Variants in OTUD7B observed in about 807,000 individuals in gnomAD.
OTUD7B encodes OTU domain-containing protein 7B.
A neutral mutation model predicts 82.2 loss-of-function variants in OTUD7B; 34 were observed. The ratio of observed to expected loss-of-function variants is 0.41; its 90% CI spans 0.31 to 0.55. The LOEUF (loss-of-function observed/expected upper bound fraction) is 0.55, where lower values mean the gene tolerates loss of function less well. OTUD7B is among the 20% of genes least tolerant of loss of function. The probability of loss-of-function intolerance (pLI) is 0.20; values close to 1 mark genes in which losing one functional copy is unlikely to be tolerated. For missense variants in OTUD7B, 944 were observed against 1,062.1 expected (o/e 0.89, Z 1.55); for synonymous variants, 398 against 402.7 (o/e 0.99, Z 0.14).
intron 1 of OTUD7B, among the ~76,000 whole-genome samples, chr1:149,984,700 C>T (rs1651015305): frequency 6.6e-6 from 1 of 152,130 alleles, no homozygotes; most frequent in Non-Finnish European, 1.5e-5. Context: ...AAAACATGAG[C>T]TTATTCTCTC....
the OTUD7B span, among the ~76,000 whole-genome samples, chr1:150,046,530 C>T: frequency 2.8e-4 from 42 of 150,550 alleles, no homozygotes; most frequent in Admixed American, 1.3e-3. Context: ...TCACTGCAAC[C>T]TCCACCTCCC....
At chr1:149,996,847 T>C (rs1651955941) in intron 1 of OTUD7B, among the ~76,000 whole-genome samples, 1 of 152,140 alleles carries the variant, frequency 6.6e-6, no homozygotes, top group Non-Finnish European at 1.5e-5. Context: ...ACGAATAAGA[T>C]AGGATAAGCA....
chr1:149,987,709 A>C (rs1445692060), intron 1 of OTUD7B, among the ~76,000 whole-genome samples: 1 of 152,060 alleles, frequency 6.6e-6, no homozygotes, highest in Non-Finnish European at 1.5e-5. Context: ...TCCCACGACC[A>C]TTTCCAAAAC....
chr1:149,965,225 G>A (rs73010113), intron 5 of OTUD7B, among the ~76,000 whole-genome samples: 2,902 of 152,124 alleles, frequency 0.019, 78 homozygotes, highest in African/African-American at 0.063. Context: ...TTTACAGTGG[G>A]GCATGGTGGC....
intron 2 of OTUD7B, among the ~76,000 whole-genome samples, chr1:149,975,316 G>A (rs1553778338): frequency 1.3e-5 from 2 of 152,146 alleles, no homozygotes; most frequent in African/African-American, 4.8e-5. Flanking sequence ...ATGTGTGTGT[G>A]CACACATGTG....
chr1:150,054,556 C>T, the OTUD7B span: 1 of 437,732 alleles, frequency 2.3e-6, no homozygotes, highest in South Asian at 1.7e-5. Context: ...GTCTGTAATC[C>T]CAGCACTTTG....
chr1:149,986,298 T>C (rs1651136573), intron 1 of OTUD7B, among the ~76,000 whole-genome samples: 1 of 151,866 alleles, frequency 6.6e-6, no homozygotes, highest in Non-Finnish European at 1.5e-5. Context: ...CTATCAGTGT[T>C]GTACACAGAC....
intron 1 of OTUD7B, among the ~76,000 whole-genome samples, chr1:149,995,231 C>A (rs959030753): frequency 6.6e-6 from 1 of 152,196 alleles, no homozygotes; most frequent in East Asian, 1.9e-4. Flanking sequence ...TGCCCAGATA[C>A]TCCTGGATCC....
chr1:150,038,041 T>C, the OTUD7B span, among the ~76,000 whole-genome samples: 1 of 151,990 alleles, frequency 6.6e-6, no homozygotes, highest in Non-Finnish European at 1.5e-5. Context: ...ATTTTTGTTG[T>C]AGTGACAGGG....
chr1:149,951,596 G>A (rs1307892452), intron 7 of OTUD7B, among the ~76,000 whole-genome samples: 1 of 152,074 alleles, frequency 6.6e-6, no homozygotes, highest in Non-Finnish European at 1.5e-5. Flanking sequence ...AATATTCAAT[G>A]GCTTCCACCC....
intron 1 of OTUD7B, among the ~76,000 whole-genome samples, chr1:149,995,262 T>C (rs1651851170): frequency 6.6e-6 from 1 of 152,180 alleles, no homozygotes; most frequent in Non-Finnish European, 1.5e-5. Context: ...ATTGATTAGC[T>C]TTCCAATACC....
At chr1:150,043,581 T>C in the OTUD7B span, among the ~76,000 whole-genome samples, 3 of 152,196 alleles carry the variant, frequency 2.0e-5, no homozygotes, top group Non-Finnish European at 4.4e-5. Flanking sequence ...TATTTGGACA[T>C]AGTCAAGCAG....
chr1:149,984,548 A>G (rs1472686113), intron 1 of OTUD7B, among the ~76,000 whole-genome samples: 3 of 152,130 alleles, frequency 2.0e-5, no homozygotes, highest in Non-Finnish European at 4.4e-5. Context: ...CCACCATTCT[A>G]GCCTTAGGCC....
chr1:149,980,362 A>C (rs1650629434), intron 1 of OTUD7B, among the ~76,000 whole-genome samples: 1 of 151,976 alleles, frequency 6.6e-6, no homozygotes, highest in Non-Finnish European at 1.5e-5. Context: ...CTTTTGTTAC[A>C]TCACCACTAA....
chr1:150,031,272 T>C, the OTUD7B span, among the ~76,000 whole-genome samples: 6 of 152,224 alleles, frequency 3.9e-5, no homozygotes. Context: ...TGGTGACAAC[T>C]ACCTGCATTA....
At chr1:149,980,738 C>A (rs1321792358) in intron 1 of OTUD7B, among the ~76,000 whole-genome samples, 2 of 152,030 alleles carry the variant, frequency 1.3e-5, no homozygotes, top group Non-Finnish European at 2.9e-5. Flanking sequence ...TTGGGCTGGG[C>A]ACAGTGGCTC....
the OTUD7B span, among the ~76,000 whole-genome samples, chr1:150,033,321 A>G: frequency 1.1e-4 from 17 of 152,160 alleles, no homozygotes; most frequent in Non-Finnish European, 2.2e-4. Context: ...ATAATAAAAT[A>G]ATATACATCT....
At chr1:149,993,517 T>C (rs1452631612) in intron 1 of OTUD7B, among the ~76,000 whole-genome samples, 1 of 152,232 alleles carries the variant, frequency 6.6e-6, no homozygotes, top group Non-Finnish European at 1.5e-5. Flanking sequence ...CAGAAAAAGA[T>C]GAAGAGGAAA....
rs983746275 is a variant in OTUD7B, at chr1:149,940,990, C to G, written c.*2867G>C. On this transcript the variant is annotated 3_prime_UTR_variant, in exon 12 of 12. Transcript: ENST00000581312. The stretch of plus-strand genomic sequence containing the variant: ...AGAATGGAGAGGTTTTTCAATGCCT[C>G]AATAAATAGTTACCCTCCCAAATAA... 2.0e-5 allele frequency: 3 copies of G among 151,890 alleles called. No individual in the cohort carries two copies. The highest frequency in any genetic ancestry group is 2.9e-5 in the Non-Finnish European group (2 of 67,994). The allele number at this position is 151,890 out of a possible 1,614,324, so 9.4% of individuals were successfully genotyped here.
Sources: gnomAD v4.1 joint callset for allele counts (sites outside exome capture counted in the v4.1 genomes callset) on GRCh38, gnomAD v4.1.1 for gene constraint, MANE v1.5 for transcripts, NCBI Gene and HGNC (gene_info 2026-07-23, HGNC 2026-07-21) for gene names.